Variants in SSBP1 observed in about 807,000 individuals in gnomAD.
SSBP1 encodes single-stranded DNA-binding protein, mitochondrial.
Under a neutral mutation model 27.0 loss-of-function variants are expected in SSBP1, and 20 were observed. The observed-to-expected ratio is 0.74, with a 90% CI of 0.52 to 1.08. SSBP1 has a LOEUF of 1.08. Ranked by LOEUF, SSBP1 falls within the 50% of genes least tolerant of loss-of-function variation. The probability of loss-of-function intolerance (pLI) is 0.00; values close to 1 mark genes in which losing one functional copy is unlikely to be tolerated. For synonymous variants in SSBP1, 59 were observed against 59.3 expected (o/e 1.00, Z 0.02); for missense variants, 137 against 182.4 (o/e 0.75, Z 1.44).
chr7:141,747,383 ATTTT>A (rs1320451586), intron 6 of SSBP1, among the ~76,000 whole-genome samples: 130 of 94,458 alleles, frequency 1.4e-3, no homozygotes, highest in African/African-American at 5.0e-3. Context: ...CCCAAATTAG[ATTTT>A]TTTTTTTTTT....
In SSBP1 at chr7:141,743,964, G is replaced by C; in HGVS notation, c.289G>C (p.Val97Leu). 1 of 1,613,222 alleles carries C rather than the reference G, an allele frequency of 6.2e-7. No homozygotes were observed. Among genetic ancestry groups the C allele is most frequent in the Non-Finnish European group, 8.5e-7 (1 of 1,179,940 alleles). ...ISVFRPGLRD[V>L]AYQYVKKGSR... ...AGTATTCCGGCCAGGCCTCAGAGAC[G>C]TGGCATATCAATATGTGAAAAAGGG... is the stretch of plus-strand genomic sequence containing the variant. Residue 97 changes from valine (V) to leucine (L), a missense_variant, in exon 5 of 7, where the codon GTG becomes CTG. Around this residue, in one of 2 missense-constraint regions of SSBP1, gnomAD observed 95 missense variants for 152.0 expected, o/e 0.62. Coordinates refer to ENST00000265304, the MANE Select transcript of SSBP1 (RefSeq NM_003143.3).
intron 3 of SSBP1, 111 bp from the exon 4 acceptor site, chr7:141,743,450 A>G: frequency 7.7e-7 from 1 of 1,295,724 alleles, no homozygotes; most frequent in Non-Finnish European, 1.1e-6. Flanking sequence ...TCCCACTTCC[A>G]AATACCATTA....
intron 3 of SSBP1, 107 bp downstream of exon 3, chr7:141,742,336 CT>C: frequency 1.3e-6 from 1 of 779,018 alleles, no homozygotes. Context: ...TGCCATTGTG[CT>C]TTTAGCTCAT....
At chr7:141,748,099 C>T (rs937964187) in intron 6 of SSBP1, among the ~76,000 whole-genome samples, 1 of 150,564 alleles carries the variant, frequency 6.6e-6, no homozygotes, top group Non-Finnish European at 1.5e-5. Flanking sequence ...CATTTCGCTT[C>T]AGTGTCAGCT....
At chr7:141,741,704 A>G (rs1180067633) in intron 2 of SSBP1, 4 of 901,472 alleles carry the variant, frequency 4.4e-6, no homozygotes, top group Admixed American at 1.2e-4. Context: ...GAGGATGTAT[A>G]TATTGAATAT....
chr7:141,749,881 C>T (rs1254007361), intron 6 of SSBP1, among the ~76,000 whole-genome samples: 1 of 152,204 alleles, frequency 6.6e-6, no homozygotes, highest in Non-Finnish European at 1.5e-5. Flanking sequence ...TCATTGCTAA[C>T]AGGGCCACAT....
chr7:141,749,690 G>C (rs1288091693), intron 6 of SSBP1, among the ~76,000 whole-genome samples: 1 of 152,172 alleles, frequency 6.6e-6, no homozygotes, highest in Non-Finnish European at 1.5e-5. Flanking sequence ...GCTGAGGCAG[G>C]AGAATCGCTT....
chr7:141,739,094 T>G (rs2117151985), intron 1 of SSBP1, 30 bp from the exon 2 acceptor site: 2 of 1,392,680 alleles, frequency 1.4e-6, no homozygotes, highest in Non-Finnish European at 9.8e-7. Context: ...AGAGGTAATG[T>G]TTTTTTCTTA....
At position 141,743,547 on chromosome 7, in the gene SSBP1, ATGT is replaced by A. The variant is rs1334456958; in HGVS notation, c.86-10_86-8del. 9 of 1,613,320 alleles carry A rather than the reference ATGT, an allele frequency of 5.6e-6. No homozygotes were observed. Among genetic ancestry groups the A allele is most frequent in the East Asian group, 4.5e-5 (2 of 44,868 alleles). ...TAGCAGGTTGTCTCATTTGGTCTTG[ATGT>A]TGTGTTTCAGCCCTGAATCGTGTGC... On this transcript the variant is annotated splice_polypyrimidine_tract_variant and intron_variant, in intron 3 of 6. Coordinates refer to ENST00000265304, the MANE Select transcript of SSBP1 (RefSeq NM_003143.3).
At chr7:141,744,073 C>T in intron 5 of SSBP1, 84 bp downstream of exon 5, 1 of 1,200,902 alleles carries the variant, frequency 8.3e-7, no homozygotes, top group Non-Finnish European at 1.2e-6. Context: ...AGTGTGTAGT[C>T]TCTTAAATCC....
intron 5 of SSBP1, 91 bp downstream of exon 5, chr7:141,744,080 A>T: frequency 2.8e-6 from 3 of 1,076,046 alleles, no homozygotes; most frequent in Non-Finnish European, 4.0e-6. Context: ...AGTCTCTTAA[A>T]TCCCTGAGTA....
chr7:141,743,242 C>A (rs1290694238), intron 3 of SSBP1, among the ~76,000 whole-genome samples: 1 of 152,206 alleles, frequency 6.6e-6, no homozygotes, highest in South Asian at 2.1e-4. Flanking sequence ...TTATTTCTCA[C>A]AGTTCTAGAG....
chr7:141,747,236 A>C (rs1007683867), intron 6 of SSBP1, among the ~76,000 whole-genome samples: 1 of 152,164 alleles, frequency 6.6e-6, no homozygotes, highest in Non-Finnish European at 1.5e-5. Flanking sequence ...AATTGCTAAA[A>C]TTAGACATTG....
At chr7:141,743,106 G>A (rs906903666) in intron 3 of SSBP1, among the ~76,000 whole-genome samples, 13 of 152,198 alleles carry the variant, frequency 8.5e-5, no homozygotes, top group South Asian at 2.1e-4. Context: ...GCCCGCCTTG[G>A]CCTCCCAAAG....
chr7:141,746,098 G>A, intron 6 of SSBP1: 1 of 426,008 alleles, frequency 2.3e-6, no homozygotes, highest in Non-Finnish European at 3.1e-6. Context: ...TCGGCTCATT[G>A]CAACCTCTGT....
chr7:141,743,810 T>G (rs1563027581), intron 4 of SSBP1, 92 bp from the exon 5 acceptor site: 14 of 1,541,452 alleles, frequency 9.1e-6, no homozygotes, highest in Non-Finnish European at 1.2e-5. Context: ...CTGTCTTTCA[T>G]TCTGTTTGTT....
At position 141,750,455 on chromosome 7, in the gene SSBP1, C is replaced by T. The variant is rs1052324813; in HGVS notation, c.*101C>T. On this transcript the variant is annotated 3_prime_UTR_variant, in exon 7 of 7. Transcript: ENST00000265304. ...GGACAAGAATTAAAATACTCTTTTACGTAAAATGAGTAATAATCTTTTTTC... is the reference window on the plus strand; with the variant it reads ...GGACAAGAATTAAAATACTCTTTTATGTAAAATGAGTAATAATCTTTTTTC... 36 of 978,494 alleles carry T rather than the reference C, an allele frequency of 3.7e-5. No individual in the cohort carries two copies. In the East Asian group the frequency reaches 5.0e-4, roughly 14 times the overall value. The allele number at this position is 978,494 out of a possible 1,614,324, so 60.6% of individuals were successfully genotyped here.
chr7:141,744,082 C>T, intron 5 of SSBP1, 93 bp downstream of exon 5: 1 of 1,045,162 alleles, frequency 9.6e-7, no homozygotes. Flanking sequence ...TCTCTTAAAT[C>T]CCTGAGTACT....
intron 2 of SSBP1, chr7:141,740,623 T>C (rs1211488349): frequency 6.6e-6 from 1 of 152,230 alleles, no homozygotes; most frequent in Admixed American, 6.5e-5. Context: ...TAGCTGATAT[T>C]CAGTAATGAT....
Sources: allele counts gnomAD v4.1 joint callset (sites outside exome capture counted in the v4.1 genomes callset), GRCh38; gene constraint gnomAD v4.1.1; regional missense constraint gnomAD v4.1.1; transcripts MANE v1.5; gene names NCBI Gene and HGNC (gene_info 2026-07-23, HGNC 2026-07-21).